Variants in CYFIP2 observed in about 807,000 individuals in gnomAD.
CYFIP2 encodes the protein cytoplasmic FMR1-interacting protein 2.
A neutral mutation model predicts 158.7 loss-of-function variants in CYFIP2; 29 were observed. That is an observed-to-expected ratio of 0.18 (90% confidence interval 0.14 to 0.25). The LOEUF is 0.25. CYFIP2 is among the 10% of genes least tolerant of loss of function. The pLI is 1.00. For synonymous variants in CYFIP2, 585 were observed against 617.6 expected, an observed-to-expected ratio of 0.95 and a Z score of 0.78; for missense variants, 852 against 1,639.5, an observed-to-expected ratio of 0.52 and a Z score of 8.29.
intron 5 of CYFIP2, among the ~76,000 whole-genome samples, chr5:157,298,481 G>GTCC (rs1329958991): frequency 4.0e-5 from 6 of 150,628 alleles, no homozygotes; most frequent in Admixed American, 6.6e-5. Context: ...GACCACAGGT[G>GTCC]TGTGCCACCA....
chr5:157,314,122 A>G (rs536822874), intron 11 of CYFIP2, among the ~76,000 whole-genome samples: 3 of 152,332 alleles, frequency 2.0e-5, no homozygotes, highest in Admixed American at 6.5e-5. Context: ...ATGTAGGTAT[A>G]TGTTCCTGAG....
chr5:157,392,858 T>C lies in CYFIP2; in HGVS notation c.3620T>C (p.Ile1207Thr), dbSNP rs1295933020. 2 of 1,613,890 alleles carry C rather than the reference T, an allele frequency of 1.2e-6. No individual in the cohort carries two copies. The highest frequency in any genetic ancestry group is 1.1e-5 in the South Asian group (1 of 91,082). ...NVPLKKMADR[I>T]RKYQILNNEV... The stretch of plus-strand genomic sequence containing the variant: ...CCCCTGAAGAAGATGGCCGACCGGA[T>C]CAGGAAGTATCAGATCTTGAACAAT... Residue 1207 changes from isoleucine to threonine, a missense_variant, in exon 31 of 31, where the codon ATC becomes ACC. Physicochemically the swap from Ile to Thr is moderately conservative, Grantham distance 89. Transcript: ENST00000620254.
Position 157,311,679 on chromosome 5 carries a change from G to C in CYFIP2, c.1008G>C (p.Gln336His). 6.2e-7 allele frequency: 1 copy of C among 1,609,214 alleles called. No homozygotes were observed. Among genetic ancestry groups the C allele is most frequent in the Non-Finnish European group, 8.5e-7 (1 of 1,177,872 alleles). The change falls in exon 11 of 31, where the codon CAG (glutamine) becomes CAC (histidine). Residue 336 changes from glutamine to histidine, a missense_variant. By Grantham distance (24) the Gln-to-His change is conservative. This residue lies in a region of CYFIP2 where 133 missense variants were observed against 197.1 expected (regional missense o/e 0.67). Transcript: ENST00000620254. This position sits in a 1 kb window ranked among gnomAD's most constrained non-coding sequence, Gnocchi z 4.7. ...TTCTACCCAGGTGGACGTGCACCCA[G>C]AGCAGCATCAGCCCCCAGTACAATA... ...EENKSKWTCT[Q>H]SSISPQYNIC...
intron 2 of CYFIP2, among the ~76,000 whole-genome samples, chr5:157,286,133 T>C (rs1357371762): frequency 6.6e-6 from 1 of 152,178 alleles, no homozygotes; most frequent in Non-Finnish European, 1.5e-5. Context: ...TTCTTAAATT[T>C]CATTCAGTAG....
intron 5 of CYFIP2, among the ~76,000 whole-genome samples, chr5:157,298,026 G>C (rs570657429): frequency 6.6e-6 from 1 of 152,236 alleles, no homozygotes; most frequent in Admixed American, 6.5e-5. Context: ...TTGAAGGAAA[G>C]GACTGACTGG....
chr5:157,334,150 G>A (rs573680616), intron 21 of CYFIP2, among the ~76,000 whole-genome samples: 3 of 152,316 alleles, frequency 2.0e-5, no homozygotes, highest in African/African-American at 7.2e-5. Context: ...GTCAATGGTT[G>A]CTAAAATAAG....
At chr5:157,275,378 T>C (rs1756463291) in intron 1 of CYFIP2, among the ~76,000 whole-genome samples, 2 of 152,228 alleles carry the variant, frequency 1.3e-5, no homozygotes, top group Non-Finnish European at 2.9e-5. Flanking sequence ...TGCATGTGGG[T>C]ATCCAGTTGT....
At chr5:157,374,209 C>G (rs1348906913) in intron 26 of CYFIP2, among the ~76,000 whole-genome samples, 1 of 152,198 alleles carries the variant, frequency 6.6e-6, no homozygotes, top group East Asian at 1.9e-4. Flanking sequence ...ACTGCTGCCT[C>G]TCAATAGTGG....
chr5:157,328,823 G>GA lies in CYFIP2; in HGVS notation c.2156+776dup, dbSNP rs140354466. On this transcript the variant is annotated intron_variant, in intron 19 of 30. Transcript: ENST00000620254. ...GCAAACCAGACAGGAGGCCAGTGAA[G>GA]AAGTCTGGATCAGAGATGTATCAAG... Among the ~76,000 whole-genome samples the GA allele has an allele frequency of 9.7e-3, 1,474 of 152,352 alleles. 16 individuals are homozygous for GA. The highest frequency in any genetic ancestry group is 0.033 in the African/African-American group (1,371 of 41,578).
chr5:157,386,832 A>G (rs1229119734), intron 28 of CYFIP2, among the ~76,000 whole-genome samples: 2 of 151,932 alleles, frequency 1.3e-5, no homozygotes, highest in African/African-American at 2.4e-5. Flanking sequence ...AGGCAGGAGA[A>G]TGGCTCGAAC....
chr5:157,302,219 G>T (rs1291424661), intron 6 of CYFIP2, among the ~76,000 whole-genome samples: 1 of 152,126 alleles, frequency 6.6e-6, no homozygotes, highest in Admixed American at 6.5e-5. Context: ...CCCATGTTAG[G>T]CTGGGAAGTC....
At chr5:157,312,583 A>G (rs996676766) in intron 11 of CYFIP2, among the ~76,000 whole-genome samples, 1 of 152,176 alleles carries the variant, frequency 6.6e-6, no homozygotes, top group African/African-American at 2.4e-5. Flanking sequence ...GCACTGACCC[A>G]CGTATGCTCA....
chr5:157,391,391 C>T (rs1767271147), intron 30 of CYFIP2, among the ~76,000 whole-genome samples: 2 of 152,174 alleles, frequency 1.3e-5, no homozygotes, highest in South Asian at 2.1e-4. Context: ...CCAACATCCA[C>T]CTCCAGAGAT....
intron 26 of CYFIP2, among the ~76,000 whole-genome samples, chr5:157,369,730 A>G (rs1764785694): frequency 6.6e-6 from 1 of 152,160 alleles, no homozygotes; most frequent in Non-Finnish European, 1.5e-5. Context: ...TTATTCTACA[A>G]TGGACATCGC....
intron 8 of CYFIP2, chr5:157,304,833 G>T (rs1478054547): frequency 6.5e-6 from 1 of 153,986 alleles, no homozygotes; most frequent in Non-Finnish European, 1.4e-5. Context: ...TTCTTTGCTG[G>T]TAATTTCTGA....
At chr5:157,322,323 C>T (rs759731604) in intron 15 of CYFIP2, among the ~76,000 whole-genome samples, 2 of 152,172 alleles carry the variant, frequency 1.3e-5, no homozygotes, top group East Asian at 1.9e-4. Flanking sequence ...GGCTCTGGTA[C>T]GGTCTTCAGG....
chr5:157,319,173 T>C (rs1254266963), intron 13 of CYFIP2, among the ~76,000 whole-genome samples: 3 of 151,896 alleles, frequency 2.0e-5, no homozygotes, highest in African/African-American at 7.3e-5. Flanking sequence ...AATCCCCATC[T>C]CTCCAAACAG....
chr5:157,267,698 G>A (rs1012496133), intron 1 of CYFIP2, among the ~76,000 whole-genome samples: 15 of 152,226 alleles, frequency 9.9e-5, no homozygotes, highest in Non-Finnish European at 1.6e-4. Flanking sequence ...TCATTTGACC[G>A]GAAAAGAAAC....
intron 13 of CYFIP2, among the ~76,000 whole-genome samples, chr5:157,317,498 T>G (rs1760246084): frequency 6.6e-6 from 1 of 152,202 alleles, no homozygotes; most frequent in South Asian, 2.1e-4. Flanking sequence ...TCTATTGATT[T>G]TCTACTTTGG....
Sources: allele counts gnomAD v4.1 joint callset (sites outside exome capture counted in the v4.1 genomes callset), GRCh38; gene constraint gnomAD v4.1.1; regional missense constraint gnomAD v4.1.1; non-coding constraint Gnocchi (gnomAD v3.1); transcripts MANE v1.5; gene names NCBI Gene and HGNC (gene_info 2026-07-23, HGNC 2026-07-21).